Variants in LRRC71 observed in about 807,000 individuals in gnomAD.
The protein encoded by LRRC71 is leucine rich repeat containing 71, also known as leucine-rich repeat-containing protein 71.
A neutral mutation model predicts 66.6 loss-of-function variants in LRRC71; 54 were observed. That is an observed-to-expected ratio of 0.81 (90% confidence interval 0.65 to 1.02). LRRC71 has a LOEUF of 1.02. Among genes scored for constraint, LRRC71 ranks in the 50% least tolerant of loss-of-function variants. LRRC71 has a pLI of 0.00. For missense variants in LRRC71, 724 were observed against 718.0 expected, an observed-to-expected ratio of 1.01 and a Z score of -0.10; for synonymous variants, 323 against 303.9, an observed-to-expected ratio of 1.06 and a Z score of -0.65.
downstream of LRRC71, chr1:156,936,981 G>T: frequency 1.2e-6 from 2 of 1,614,082 alleles, no homozygotes; most frequent in Non-Finnish European, 1.7e-6. Context: ...GACTTGAGCA[G>T]CTCTCTGTGG....
At chr1:156,938,357 C>G in the LRRC71 span, 1 of 1,516,674 alleles carries the variant, frequency 6.6e-7, no homozygotes, top group South Asian at 1.2e-5. Context: ...TCCGACTCTG[C>G]CCTCACAGGT....
downstream of LRRC71, chr1:156,933,154 T>C: frequency 1.8e-6 from 1 of 542,858 alleles, no homozygotes; most frequent in Non-Finnish European, 3.2e-6. Context: ...CGTCTGTCCA[T>C]GTTACATGCC....
rs566784687 is a variant in LRRC71 at position 156,925,264 on chromosome 1, A to G, written c.593+249A>G. On this transcript the variant is annotated intron_variant, in intron 5 of 14. Coordinates refer to ENST00000337428, the MANE Select transcript of LRRC71 (RefSeq NM_144702.3). The stretch of plus-strand genomic sequence containing the variant: ...CAGGGGCTCAACCTGTCTCCCCTGC[A>G]TTAGTCTCATTACCCTCCACTCCCT... 2.8e-4 allele frequency among the ~76,000 whole-genome samples: 42 copies of G among 152,294 alleles called. No homozygotes were observed. In the South Asian group the frequency reaches 8.7e-3, roughly 32 times the overall value.
At position 156,931,966 on chromosome 1, in the gene LRRC71, G is replaced by A. The variant is rs763873674; in HGVS notation, c.1380G>A (p.Glu460=). ...TCAACCCTCTCCTGGAGCCTGTGGA[G>A]CACCGAGATGGGAAAGTTTTCATGC... ...EVVNPLLEPV[E]HRDGKVFMPG... is the part of the protein sequence containing the mutation. The change falls in exon 13 of 15, where the codon GAG becomes GAA. Residue 460 remains glutamate, a synonymous_variant. Coordinates refer to ENST00000337428, the MANE Select transcript of LRRC71 (RefSeq NM_144702.3). The A allele has an allele frequency of 5.0e-6, 8 of 1,600,954 alleles. No homozygotes were observed. Among genetic ancestry groups the A allele is most frequent in the Middle Eastern group, 1.7e-4 (1 of 6,050 alleles).
At chr1:156,940,474 G>A in the LRRC71 span, 102 of 1,529,848 alleles carry the variant, frequency 6.7e-5, no homozygotes, top group Middle Eastern at 3.3e-3. Flanking sequence ...GAGAGGGCAC[G>A]TATGGGAGAG....
At chr1:156,936,968 A>T (rs772634099), downstream of LRRC71, 3 of 1,613,986 alleles carry the variant, frequency 1.9e-6, no homozygotes, top group Non-Finnish European at 2.5e-6. Context: ...CTCTCCCCCA[A>T]GGGACTTGAG....
chr1:156,933,290 T>C (rs1415066336), downstream of LRRC71, among the ~76,000 whole-genome samples: 1 of 152,206 alleles, frequency 6.6e-6, no homozygotes, highest in East Asian at 1.9e-4. Flanking sequence ...GCTCAGGCAA[T>C]AGCCATTCCC....
Position 156,930,590 on chromosome 1 carries a change from G to T in LRRC71, c.1302G>T (p.Glu434Asp), listed in dbSNP as rs759919073. The change falls in exon 12 of 15, where the codon GAG (glutamate) becomes GAT (aspartate). Residue 434 changes from glutamate (E) to aspartate (D), a missense_variant. Coordinates refer to ENST00000337428, the MANE Select transcript of LRRC71 (RefSeq NM_144702.3). ...RAKGIKIGSR[E>D]KRSILLESEL... ...AAGGGATCAAGATCGGGAGCAGAGA[G>T]AAGCGCAGCATCCTCCTGGAGTCCG... 3.8e-6 allele frequency: 6 copies of T among 1,567,540 alleles called. No individual in the cohort carries two copies. Among genetic ancestry groups the T allele is most frequent in the African/African-American group, 1.4e-5 (1 of 73,742 alleles).
At position 156,932,177 on chromosome 1, in the gene LRRC71, G is replaced by A. The variant is rs1654472146; in HGVS notation, c.1441+150G>A. 5.6e-6 allele frequency: 4 copies of A among 714,346 alleles called. No homozygotes were observed. The Middle Eastern group carries it at 1.2e-3, about 214-fold the overall frequency. The allele number at this position is 714,346 out of a possible 1,614,324, so 44.3% of individuals were successfully genotyped here. The stretch of plus-strand genomic sequence containing the variant: ...CAAGGCTCTCTGGCACAGGGCTGGA[G>A]GGGCCAGAGGAAGTGCTGAGTCTGG... On this transcript the variant is annotated intron_variant, in intron 13 of 14. Coordinates refer to ENST00000337428, the MANE Select transcript of LRRC71 (RefSeq NM_144702.3).
Position 156,924,564 on chromosome 1 carries a change from T to TCCCC in LRRC71, c.439+15_439+18dup. 3.0e-5 allele frequency: 46 copies of TCCCC among 1,531,400 alleles called. No individual in the cohort carries two copies. The highest frequency in any genetic ancestry group is 3.7e-5 in the Non-Finnish European group (42 of 1,131,564). 94.9% of individuals were successfully genotyped at this position (1,531,400 alleles called of 1,614,324 possible). ...AATCTACATCCGCGGTGAGCCCCGC[T>TCCCC]CCCCCCACCCGCCCCAGCTCCCTCC... is the stretch of plus-strand genomic sequence containing the variant. On this transcript the variant is annotated intron_variant, in intron 3 of 14. Coordinates refer to ENST00000337428, the MANE Select transcript of LRRC71 (RefSeq NM_144702.3).
intron 14 of LRRC71, 90 bp downstream of exon 14, chr1:156,932,635 C>T: frequency 1.2e-6 from 2 of 1,613,262 alleles, no homozygotes; most frequent in Non-Finnish European, 1.7e-6. Flanking sequence ...TTCTGTCTCC[C>T]CATTTCCAAG....
At position 156,932,391 on chromosome 1, in the gene LRRC71, G is replaced by C. The variant is rs370054738; in HGVS notation, c.1442-33G>C. 3 of 1,580,838 alleles carry C rather than the reference G, an allele frequency of 1.9e-6. No individual in the cohort carries two copies. The African/African-American group carries it at 4.1e-5, about 21-fold the overall frequency. On this transcript the variant is annotated intron_variant, in intron 13 of 14. Coordinates refer to ENST00000337428, the MANE Select transcript of LRRC71 (RefSeq NM_144702.3). The stretch of plus-strand genomic sequence containing the variant: ...GTCAGGTGCCAATGAGGCCTGTGGT[G>C]CTAAGAGGCCACCTGTCTGTAACTT...
chr1:156,924,685 GT>G lies in LRRC71; in HGVS notation c.483del (p.Leu162CysfsTer17). The G allele has an allele frequency of 6.4e-7, 1 of 1,551,436 alleles. No homozygotes were observed. The highest frequency in any genetic ancestry group is 8.7e-7 in the Non-Finnish European group (1 of 1,146,866). On this transcript the variant is annotated frameshift_variant, in exon 4 of 15. Coordinates refer to ENST00000337428, the MANE Select transcript of LRRC71 (RefSeq NM_144702.3). LOFTEE classifies it high-confidence loss of function. ...CGGATTCTGGGTGTCTTCTCTAAAT[GT>G]CTGCCCCCGCTTACCCAGCTACAGG... The part of the protein sequence containing the change: ...EERILGVFSK[C>X]LPPLTQLQAI...
At chr1:156,933,361 T>C (rs1350248576), downstream of LRRC71, among the ~76,000 whole-genome samples, 1 of 152,150 alleles carries the variant, frequency 6.6e-6, no homozygotes, top group African/African-American at 2.4e-5. Context: ...GGATTTGGGA[T>C]AGGGATTAGT....
the LRRC71 span, among the ~76,000 whole-genome samples, chr1:156,940,778 T>C: frequency 1.3e-5 from 2 of 151,966 alleles, no homozygotes; most frequent in African/African-American, 2.4e-5. Context: ...ATTAAACAGA[T>C]TGGGCCAAGA....
intron 5 of LRRC71, 151 bp from the exon 6 acceptor site, chr1:156,927,051 G>A: frequency 1.5e-6 from 1 of 688,126 alleles, no homozygotes; most frequent in South Asian, 2.0e-5. Context: ...TTTTAGTCTG[G>A]GGAATTGTCA....
chr1:156,920,976 C>CGGGGTTTG lies in LRRC71; in HGVS notation c.160+17_160+24dup, dbSNP rs1464387729. 2.1e-5 allele frequency: 31 copies of CGGGGTTTG among 1,492,616 alleles called. No homozygotes were observed. Among genetic ancestry groups the CGGGGTTTG allele is most frequent in the Non-Finnish European group, 2.7e-5 (30 of 1,116,376 alleles). 92.5% of individuals were successfully genotyped at this position (1,492,616 alleles called of 1,614,324 possible). ...CCCAAAAGCCCTGGTACGCTGGCGC[C>CGGGGTTTG]GGGGTTTGGGGATCGGGCTTCCAGG... On this transcript the variant is annotated intron_variant, in intron 1 of 14. Transcript: ENST00000337428. This position sits in a 1 kb window ranked among gnomAD's most constrained non-coding sequence, Gnocchi z 4.9.
At chr1:156,924,896 G>T in intron 4 of LRRC71, 42 bp from the exon 5 acceptor site, 2 of 1,548,488 alleles carry the variant, frequency 1.3e-6, no homozygotes, top group Middle Eastern at 3.3e-4. Flanking sequence ...AGTAGGAGGG[G>T]GCGCTCTAGC....
intron 9 of LRRC71, 71 bp from the exon 10 acceptor site, chr1:156,929,209 C>CGG: frequency 6.5e-7 from 1 of 1,527,282 alleles, no homozygotes. Flanking sequence ...ATGGGTATAG[C>CGG]TACCTTTCAT....
Sources: gnomAD v4.1 joint callset for allele counts (sites outside exome capture counted in the v4.1 genomes callset) on GRCh38, gnomAD v4.1.1 for gene constraint, Gnocchi (gnomAD v3.1) non-coding constraint, MANE v1.5 for transcripts, NCBI Gene and HGNC (gene_info 2026-07-23, HGNC 2026-07-21) for gene names.